The following SEMA3D variants were observed in gnomAD, a reference collection of about 807,000 sequenced individuals.
SEMA3D encodes semaphorin-3D.
In SEMA3D, 84 loss-of-function variants were observed where a neutral mutation model predicts 100.1. That is an observed-to-expected ratio of 0.84 (90% confidence interval 0.70 to 1.01). SEMA3D has a LOEUF of 1.01. Ranked by LOEUF, SEMA3D falls within the 50% of genes least tolerant of loss-of-function variation. The probability of loss-of-function intolerance (pLI) is 0.00; values close to 1 mark genes in which losing one functional copy is unlikely to be tolerated. For missense variants in SEMA3D, 875 were observed against 934.1 expected (o/e 0.94, Z 0.82); for synonymous variants, 312 against 320.7 (o/e 0.97, Z 0.29).
At chr7:85,142,993 A>G (rs1790100462) in intron 2 of SEMA3D, 7 of 979,306 alleles carry the variant, frequency 7.1e-6, no homozygotes, top group Non-Finnish European at 8.5e-6. Context: ...ACAACTTACT[A>G]AACTTTTTTA....
At chr7:85,031,483 T>C (rs1172292690) in intron 12 of SEMA3D, among the ~76,000 whole-genome samples, 1 of 152,012 alleles carries the variant, frequency 6.6e-6, no homozygotes, top group African/African-American at 2.4e-5. Context: ...AATTCATTAT[T>C]ACTTGTGCAG....
At chr7:85,062,042 A>G (rs1393905490) in intron 8 of SEMA3D, among the ~76,000 whole-genome samples, 2 of 152,202 alleles carry the variant, frequency 1.3e-5, no homozygotes, top group East Asian at 1.9e-4. Flanking sequence ...AGCAGGGGAC[A>G]TGCCATCAAA....
At chr7:85,233,573 G>A in the SEMA3D span, among the ~76,000 whole-genome samples, 1 of 152,166 alleles carries the variant, frequency 6.6e-6, no homozygotes, top group Non-Finnish European at 1.5e-5. Flanking sequence ...TTCACATTAT[G>A]TTTACCTGGA....
the SEMA3D span, among the ~76,000 whole-genome samples, chr7:85,222,493 T>C: frequency 6.6e-6 from 1 of 152,164 alleles, no homozygotes; most frequent in Admixed American, 6.6e-5. Context: ...ATGGTTTTTG[T>C]TTTAAAGATG....
intron 1 of SEMA3D, among the ~76,000 whole-genome samples, chr7:85,184,084 C>T (rs1216941945): frequency 6.6e-5 from 10 of 151,936 alleles, no homozygotes; most frequent in Admixed American, 2.0e-4. Flanking sequence ...CACATACATA[C>T]GATTCTGGGC....
the SEMA3D span, among the ~76,000 whole-genome samples, chr7:85,232,069 G>A: frequency 6.6e-6 from 1 of 152,118 alleles, no homozygotes; most frequent in Non-Finnish European, 1.5e-5. Context: ...CCAGGGTTGG[G>A]ACAGAAAACA....
At chr7:85,002,331 T>C (rs1278467284) in intron 18 of SEMA3D, among the ~76,000 whole-genome samples, 2 of 152,224 alleles carry the variant, frequency 1.3e-5, no homozygotes, top group Admixed American at 6.5e-5. Flanking sequence ...TGTTAGATCA[T>C]TTAACTATTA....
the SEMA3D span, among the ~76,000 whole-genome samples, chr7:85,211,893 A>T: frequency 6.6e-6 from 1 of 152,116 alleles, no homozygotes; most frequent in South Asian, 2.1e-4. Context: ...TATAGTATAT[A>T]ATACATAAAA....
chr7:85,222,983 G>C, the SEMA3D span, among the ~76,000 whole-genome samples: 9 of 152,028 alleles, frequency 5.9e-5, no homozygotes, highest in South Asian at 2.1e-4. Flanking sequence ...CCATCAAAAA[G>C]TGGGCTGGGG....
intron 2 of SEMA3D, among the ~76,000 whole-genome samples, chr7:85,126,941 G>A (rs1789587341): frequency 6.6e-6 from 1 of 152,070 alleles, no homozygotes; most frequent in Admixed American, 6.6e-5. Flanking sequence ...TCCTTTCTAA[G>A]TTTCCTTCTG....
intron 9 of SEMA3D, among the ~76,000 whole-genome samples, chr7:85,052,508 A>T (rs370596938): frequency 1.1e-4 from 17 of 151,920 alleles, no homozygotes; most frequent in East Asian, 9.6e-4. Context: ...AAAAACAAAC[A>T]AACAAAAAAC....
chr7:85,130,278 T>C (rs978553500), intron 2 of SEMA3D, among the ~76,000 whole-genome samples: 1 of 152,114 alleles, frequency 6.6e-6, no homozygotes, highest in Non-Finnish European at 1.5e-5. Flanking sequence ...ACTTATGCAA[T>C]CAAAAAGGGC....
At chr7:85,136,902 G>A (rs1789881578) in intron 2 of SEMA3D, among the ~76,000 whole-genome samples, 1 of 151,986 alleles carries the variant, frequency 6.6e-6, no homozygotes, top group Admixed American at 6.6e-5. Context: ...TGTAGTCCTG[G>A]ACATCTTATT....
At chr7:85,240,253 A>G in the SEMA3D span, among the ~76,000 whole-genome samples, 1 of 151,998 alleles carries the variant, frequency 6.6e-6, no homozygotes, top group Admixed American at 6.6e-5. Context: ...GATTGATATG[A>G]TCATACGATT....
chr7:85,168,820 T>C (rs201644332), intron 1 of SEMA3D, among the ~76,000 whole-genome samples: 1 of 121,070 alleles, frequency 8.3e-6, no homozygotes, highest in African/African-American at 3.0e-5. Context: ...GAAAGAAAGA[T>C]GAAAGAAAGA....
chr7:85,044,507 A>C (rs953206102), intron 9 of SEMA3D, among the ~76,000 whole-genome samples: 1 of 152,152 alleles, frequency 6.6e-6, no homozygotes, highest in African/African-American at 2.4e-5. Flanking sequence ...TGAAATCTAA[A>C]AGCAACAACA....
In SEMA3D at chr7:85,028,034, T is replaced by C. The variant is rs1584534201; in HGVS notation, c.1192-5421A>G. On this transcript the variant is annotated intron_variant, in intron 12 of 18. Coordinates refer to ENST00000284136, the MANE Select transcript of SEMA3D (RefSeq NM_001384900.1). ...TGAACCGTGCCAGCATGGCTTTTGA[T>C]GCCAAATGTCTGACTGGATGCAGAT... The C allele has an allele frequency of 1.0e-5, 6 of 585,968 alleles. No homozygotes were observed. The East Asian group carries it at 2.2e-4, about 22-fold the overall frequency. The allele number at this position is 585,968 out of a possible 1,614,324, so 36.3% of individuals were successfully genotyped here. A position where few individuals can be genotyped will look rare whatever the true frequency, so the allele number is the denominator to read the frequency against.
chr7:85,076,848 C>T (rs1050662774), intron 5 of SEMA3D, among the ~76,000 whole-genome samples: 2 of 152,126 alleles, frequency 1.3e-5, no homozygotes, highest in Non-Finnish European at 2.9e-5. Context: ...GTAATCCCAA[C>T]ACTTTGGGAG....
chr7:85,016,250 C>CT (rs59812080), intron 15 of SEMA3D, among the ~76,000 whole-genome samples: 1,590 of 128,728 alleles, frequency 0.012, 70 homozygotes, highest in Admixed American at 0.084. Context: ...TTTGTGATTC[C>CT]TTTTTTTTTT....
Sources: gnomAD v4.1 joint callset for allele counts (sites outside exome capture counted in the v4.1 genomes callset) on GRCh38, gnomAD v4.1.1 for gene constraint, MANE v1.5 for transcripts, NCBI Gene and HGNC (gene_info 2026-07-23, HGNC 2026-07-21) for gene names.